The following NLE1 variants were observed in gnomAD, a reference collection of about 807,000 sequenced individuals.
NLE1 encodes the protein notchless homolog 1.
NLE1 carries 37 observed loss-of-function variants against 62.8 expected under a neutral mutation model. The ratio of observed to expected loss-of-function variants is 0.59; its 90% CI spans 0.45 to 0.78. The LOEUF is 0.78. Among genes scored for constraint, NLE1 ranks in the 30% least tolerant of loss-of-function variants. The probability of loss-of-function intolerance (pLI) is 0.00; values close to 1 mark genes in which losing one functional copy is unlikely to be tolerated. For missense variants in NLE1, 555 were observed against 637.9 expected, an observed-to-expected ratio of 0.87 and a Z score of 1.40; for synonymous variants, 243 against 253.0, an observed-to-expected ratio of 0.96 and a Z score of 0.37.
rs1383640641 is a variant in NLE1 at position 35,132,408 on chromosome 17, G to C, written c.*29C>G. The stretch of plus-strand genomic sequence containing the variant: ...GGCAGCTGGCAGAGGCCGAGTCGAG[G>C]TGGGGGTCAGAGAGAACTTCGGGCC... On this transcript the variant is annotated 3_prime_UTR_variant, in exon 13 of 13. Transcript: ENST00000442241. 4 of 1,448,734 alleles carry C rather than the reference G, an allele frequency of 2.8e-6. No individual in the cohort carries two copies. In the South Asian group the frequency reaches 6.2e-5, roughly 22 times the overall value. 89.7% of individuals were successfully genotyped at this position (1,448,734 alleles called of 1,614,324 possible). A position where few individuals can be genotyped will look rare whatever the true frequency, so the allele number is the denominator to read the frequency against.
intron 10 of NLE1, 63 bp downstream of exon 10, chr17:35,135,186 G>T (rs771943025): frequency 6.8e-5 from 102 of 1,492,770 alleles, no homozygotes; most frequent in Admixed American, 6.7e-5. Flanking sequence ...GCTAGTAAGT[G>T]GCAGTGCCAA....
Position 35,132,339 on chromosome 17 carries a change from G to T in NLE1, c.*98C>A. On this transcript the variant is annotated 3_prime_UTR_variant, in exon 13 of 13. Coordinates refer to ENST00000442241, the MANE Select transcript of NLE1 (RefSeq NM_018096.5). ...ATTCTCAGGTCCCCACTGGTGGGGA[G>T]GGTGTGTGCACTGCCATCTCAGCCT... 2 of 1,081,346 alleles carry T rather than the reference G, an allele frequency of 1.8e-6. No homozygotes were observed. The highest frequency in any genetic ancestry group is 2.5e-6 in the Non-Finnish European group (2 of 796,458). 67.0% of individuals were successfully genotyped at this position (1,081,346 alleles called of 1,614,324 possible).
intron 7 of NLE1, 133 bp from the exon 8 acceptor site, chr17:35,136,630 T>TG: frequency 8.9e-7 from 1 of 1,127,598 alleles, no homozygotes; most frequent in Non-Finnish European, 1.2e-6. Context: ...ACTACCCCTC[T>TG]GGGGTCAAGT....
chr17:35,132,757 T>C (rs112275665), intron 12 of NLE1, among the ~76,000 whole-genome samples: 1 of 152,346 alleles, frequency 6.6e-6, no homozygotes, highest in South Asian at 2.1e-4. Context: ...CTGTGAAGGT[T>C]TGATAATTCC....
intron 4 of NLE1, among the ~76,000 whole-genome samples, chr17:35,138,157 T>G (rs1259728720): frequency 6.6e-6 from 1 of 152,230 alleles, no homozygotes; most frequent in Non-Finnish European, 1.5e-5. Context: ...CATCCCTTGT[T>G]ATTTCTCACA....
intron 2 of NLE1, among the ~76,000 whole-genome samples, chr17:35,141,552 CA>C (rs549704502): frequency 0.019 from 1,592 of 83,580 alleles, 11 homozygotes; most frequent in Admixed American, 0.062. Flanking sequence ...GACTCCGTCT[CA>C]AAAAAAAAAA....
At position 35,129,134 on chromosome 17, in the gene NLE1, T is replaced by C. The variant is rs1039514870; in HGVS notation, c.*3303A>G. 1.1e-5 allele frequency: 4 copies of C among 352,064 alleles called. No individual in the cohort carries two copies. The Admixed American group carries it at 1.5e-4, about 14-fold the overall frequency. The allele number at this position is 352,064 out of a possible 1,614,324, so 21.8% of individuals were successfully genotyped here. A position where few individuals can be genotyped will look rare whatever the true frequency, so the allele number is the denominator to read the frequency against. On this transcript the variant is annotated 3_prime_UTR_variant, in exon 13 of 13. Transcript: ENST00000442241. The stretch of plus-strand genomic sequence containing the variant: ...GTGCTATCCAGTTCCTAACAGGCCA[T>C]GGACTGCTATCAGTTGGTGGCCCAA...
rs539032003 is a variant in NLE1, at chr17:35,133,066, C to T, written c.1445+105G>A. ...ACGCCTCCTCAAGACAGTCTGAGCACCTGGACGGCCCTGCGGAATTCTATG... is the reference window on the plus strand; with the variant it reads ...ACGCCTCCTCAAGACAGTCTGAGCATCTGGACGGCCCTGCGGAATTCTATG... On this transcript the variant is annotated intron_variant, in intron 12 of 12. Coordinates refer to ENST00000442241, the MANE Select transcript of NLE1 (RefSeq NM_018096.5). 10 of 1,134,098 alleles carry T rather than the reference C, an allele frequency of 8.8e-6. No homozygotes were observed. In the South Asian group the frequency reaches 1.3e-4, roughly 14 times the overall value. 70.3% of individuals were successfully genotyped at this position (1,134,098 alleles called of 1,614,324 possible).
rs768033984 is a variant in NLE1, at chr17:35,129,516, A to C, written c.*2921T>G. The C allele has an allele frequency of 8.7e-6, 14 of 1,614,088 alleles. No homozygotes were observed. In the African/African-American group the frequency reaches 1.7e-4, roughly 20 times the overall value. ...AAGACACAGGAGAATGAGTTGCCCGAGGCAAAGAATCGTCCATGGATCTTC... is the reference window on the plus strand; with the variant it reads ...AAGACACAGGAGAATGAGTTGCCCGCGGCAAAGAATCGTCCATGGATCTTC... On this transcript the variant is annotated 3_prime_UTR_variant, in exon 13 of 13. Transcript: ENST00000442241.
chr17:35,139,383 T>G (rs1050350356), intron 3 of NLE1, 69 bp from the exon 4 acceptor site: 10 of 1,265,740 alleles, frequency 7.9e-6, no homozygotes. Flanking sequence ...TCACTTTCTG[T>G]GAATAGAATA....
intron 10 of NLE1, among the ~76,000 whole-genome samples, chr17:35,134,678 G>C (rs533327274): frequency 1.3e-5 from 2 of 152,282 alleles, no homozygotes; most frequent in Admixed American, 1.3e-4. Flanking sequence ...GGGATTATGG[G>C]CATGAGCCAC....
intron 6 of NLE1, 114 bp downstream of exon 6, chr17:35,137,429 T>A: frequency 1.1e-6 from 1 of 922,094 alleles, no homozygotes; most frequent in Non-Finnish European, 1.7e-6. Context: ...GCCATCACGG[T>A]CATTCAGGCT....
chr17:35,139,755 G>A, intron 3 of NLE1, 94 bp downstream of exon 3: 1 of 1,525,066 alleles, frequency 6.6e-7, no homozygotes, highest in Non-Finnish European at 8.8e-7. Context: ...GCAGCCCTGA[G>A]GCCCCATCAA....
chr17:35,129,673 AAG>A lies in NLE1; in HGVS notation c.*2762_*2763del. The A allele has an allele frequency of 6.2e-7, 1 of 1,611,716 alleles. No homozygotes were observed. On this transcript the variant is annotated 3_prime_UTR_variant, in exon 13 of 13. Coordinates refer to ENST00000442241, the MANE Select transcript of NLE1 (RefSeq NM_018096.5). ...AGCCCTACAAAGTGAGCCCTGGGAA[AAG>A]AGGGGCCTTGGGGGTGGAGAGAAGT...
intron 9 of NLE1, 141 bp downstream of exon 9, chr17:35,136,028 A>C: frequency 1.3e-6 from 1 of 759,920 alleles, no homozygotes; most frequent in Non-Finnish European, 2.1e-6. Flanking sequence ...TTAGGATTGC[A>C]AACTAGGATT....
intron 2 of NLE1, among the ~76,000 whole-genome samples, chr17:35,140,765 A>G (rs888790826): frequency 1.3e-5 from 2 of 151,050 alleles, no homozygotes; most frequent in Non-Finnish European, 2.9e-5. Flanking sequence ...TAATTTTTGT[A>G]TTTTCAGTAG....
chr17:35,140,387 C>T (rs2142510192), intron 2 of NLE1, among the ~76,000 whole-genome samples: 1 of 152,044 alleles, frequency 6.6e-6, no homozygotes, highest in Non-Finnish European at 1.5e-5. Context: ...CATCACCACG[C>T]CTGGCTAAGT....
chr17:35,134,409 T>C (rs2091896511), intron 10 of NLE1, among the ~76,000 whole-genome samples: 1 of 152,158 alleles, frequency 6.6e-6, no homozygotes, highest in Non-Finnish European at 1.5e-5. Context: ...CTAGCATTTT[T>C]TTTTTTTTGA....
intron 12 of NLE1, 49 bp from the exon 13 acceptor site, chr17:35,132,498 G>T (rs1328378268): frequency 8.3e-6 from 11 of 1,327,256 alleles, no homozygotes; most frequent in Non-Finnish European, 4.9e-6. Context: ...CTTAGGAAAG[G>T]GAGGCCGTCA....
Sources: allele counts gnomAD v4.1 joint callset (sites outside exome capture counted in the v4.1 genomes callset), GRCh38; gene constraint gnomAD v4.1.1; transcripts MANE v1.5; gene names NCBI Gene and HGNC (gene_info 2026-07-23, HGNC 2026-07-21).